EBF3: variants seen among roughly 807,000 people sequenced by gnomAD.
The protein encoded by EBF3 is transcription factor COE3.
EBF3 carries 18 observed loss-of-function variants against 77.1 expected under a neutral mutation model. The ratio of observed to expected loss-of-function variants is 0.23; its 90% CI spans 0.16 to 0.35. The LOEUF (loss-of-function observed/expected upper bound fraction) is 0.35, where lower values mean the gene tolerates loss of function less well. EBF3 is among the 10% of genes least tolerant of loss of function. The pLI is 1.00. For missense variants in EBF3, 558 were observed against 860.0 expected, an observed-to-expected ratio of 0.65 and a Z score of 4.39; for synonymous variants, 350 against 343.5, an observed-to-expected ratio of 1.02 and a Z score of -0.21.
chr10:129,922,606 C>T (rs1011102347), intron 6 of EBF3, among the ~76,000 whole-genome samples: 13 of 152,240 alleles, frequency 8.5e-5, no homozygotes, highest in African/African-American at 2.9e-4. Flanking sequence ...GCTCTCTTCC[C>T]GGCTCTCGCC....
rs542944704 is a variant in EBF3, at chr10:129,939,322, C to T, written c.554+17936G>A. Reference sequence around the variant, plus strand: ...CCACTTCTCAAGGGACTGACAAATACGAAGGACAGGGTGAAATCTGAAAAC... The same window carrying T: ...CCACTTCTCAAGGGACTGACAAATATGAAGGACAGGGTGAAATCTGAAAAC... On this transcript the variant is annotated intron_variant, in intron 6 of 16. Coordinates refer to ENST00000440978, the MANE Select transcript of EBF3 (RefSeq NM_001375380.1). Among the ~76,000 whole-genome samples, 233 of 152,260 alleles carry T rather than the reference C, an allele frequency of 1.5e-3. 1 individual carries two copies. The highest frequency in any genetic ancestry group is 5.1e-3 in the African/African-American group (210 of 41,558).
intron 14 of EBF3, 39 bp from the exon 15 acceptor site, chr10:129,840,481 G>A (rs1339536833): frequency 2.6e-6 from 4 of 1,537,334 alleles, no homozygotes; most frequent in Admixed American, 2.0e-5. Context: ...CGCGGCCGCG[G>A]CACAGCGCCA....
intron 6 of EBF3, among the ~76,000 whole-genome samples, chr10:129,928,069 C>T (rs931901231): frequency 1.3e-5 from 2 of 152,148 alleles, no homozygotes; most frequent in African/African-American, 4.8e-5. Context: ...GTTACTATTC[C>T]GAGCAATGCC....
At chr10:129,877,159 C>T (rs950071775) in intron 7 of EBF3, among the ~76,000 whole-genome samples, 1 of 152,054 alleles carries the variant, frequency 6.6e-6, no homozygotes, top group Non-Finnish European at 1.5e-5. Flanking sequence ...TTATAGTTCT[C>T]CTCCCACTGA....
intron 6 of EBF3, among the ~76,000 whole-genome samples, chr10:129,895,287 G>A (rs539232616): frequency 7.2e-5 from 11 of 152,330 alleles, no homozygotes; most frequent in Middle Eastern, 3.4e-3. Flanking sequence ...TGCCCTCTGC[G>A]AAGTGGATGG....
rs1037790032 is a variant in EBF3, at chr10:129,897,594, G to A, written c.555-19745C>T. On this transcript the variant is annotated intron_variant, in intron 6 of 16. Coordinates refer to ENST00000440978, the MANE Select transcript of EBF3 (RefSeq NM_001375380.1). This position sits in a 1 kb window ranked among gnomAD's most constrained non-coding sequence, Gnocchi z 4.6. ...CCCTTTTATCCGAGAGGCGAAGCCC[G>A]GGAAGGTTCTCGAGGGCGCCCATTG... is the stretch of plus-strand genomic sequence containing the variant. 9.2e-5 allele frequency among the ~76,000 whole-genome samples: 14 copies of A among 152,220 alleles called. 1 individual carries two copies. Among genetic ancestry groups the A allele is most frequent in the South Asian group, 6.2e-4 (3 of 4,806 alleles).
rs1858305220 is a variant in EBF3 at position 129,947,340 on chromosome 10, C to T, written c.554+9918G>A. 6.6e-6 allele frequency among the ~76,000 whole-genome samples: 1 copy of T among 152,212 alleles called. No individual in the cohort carries two copies. The highest frequency in any genetic ancestry group is 1.5e-5 in the Non-Finnish European group (1 of 68,036). On this transcript the variant is annotated intron_variant, in intron 6 of 16. Coordinates refer to ENST00000440978, the MANE Select transcript of EBF3 (RefSeq NM_001375380.1). This position sits in a 1 kb window ranked among gnomAD's most constrained non-coding sequence, Gnocchi z 4.5. ...CTCGTATTAAATACCACATATAACT[C>T]TCAGCAGGTTTTATGTTGTGTTTTA...
In EBF3 at chr10:129,963,595, G is replaced by C. The variant is rs757292504; in HGVS notation, c.134+40C>G. ...CCGGCGGAGGGGGCCGGGCCGGGCCGGGGCCGGGGCCAGGGCGCGCGGGGG... is the reference window on the plus strand; with the variant it reads ...CCGGCGGAGGGGGCCGGGCCGGGCCCGGGCCGGGGCCAGGGCGCGCGGGGG... On this transcript the variant is annotated intron_variant, in intron 1 of 16. Transcript: ENST00000440978. The surrounding 1 kb of genome is among the most constrained non-coding windows in gnomAD (Gnocchi z 7.1). 2 of 1,244,338 alleles carry C rather than the reference G, an allele frequency of 1.6e-6. No homozygotes were observed. Among genetic ancestry groups the C allele is most frequent in the Admixed American group, 4.4e-5 (1 of 22,784 alleles). 77.1% of individuals were successfully genotyped at this position (1,244,338 alleles called of 1,614,324 possible). A position where few individuals can be genotyped will look rare whatever the true frequency, so the allele number is the denominator to read the frequency against.
chr10:129,929,573 G>A (rs1856874364), intron 6 of EBF3, among the ~76,000 whole-genome samples: 1 of 152,196 alleles, frequency 6.6e-6, no homozygotes, highest in African/African-American at 2.4e-5. Context: ...ATATTAAGAT[G>A]GAAATAGAAT....
intron 6 of EBF3, among the ~76,000 whole-genome samples, chr10:129,933,997 G>C (rs1056538889): frequency 6.6e-6 from 1 of 152,196 alleles, no homozygotes; most frequent in Non-Finnish European, 1.5e-5. Context: ...CCCTGTCCAG[G>C]CTGGGCTTGC....
At chr10:129,901,719 A>T (rs1256668079) in intron 6 of EBF3, among the ~76,000 whole-genome samples, 1 of 152,252 alleles carries the variant, frequency 6.6e-6, no homozygotes, top group African/African-American at 2.4e-5. Context: ...CCTGCAAATC[A>T]CTAAAATGAT....
chr10:129,883,553 A>G (rs934233518), intron 6 of EBF3, among the ~76,000 whole-genome samples: 8 of 152,300 alleles, frequency 5.3e-5, no homozygotes, highest in South Asian at 2.1e-4. Context: ...TCAAAAACCC[A>G]AAGTGTTCGT....
rs911914654 is a variant in EBF3, at chr10:129,885,230, T to C, written c.555-7381A>G. ...AGAGATCTGATGGGATTTAATGGCT[T>C]TGCCGGCCAGTTCAATATCCCCTTC... On this transcript the variant is annotated intron_variant, in intron 6 of 16. Coordinates refer to ENST00000440978, the MANE Select transcript of EBF3 (RefSeq NM_001375380.1). This position sits in a 1 kb window ranked among gnomAD's most constrained non-coding sequence, Gnocchi z 4.0. 6.6e-5 allele frequency among the ~76,000 whole-genome samples: 10 copies of C among 152,184 alleles called. No individual in the cohort carries two copies. The highest frequency in any genetic ancestry group is 2.0e-4 in the Admixed American group (3 of 15,288).
rs1248242973 is a variant in EBF3, at chr10:129,848,990, C to A, written c.1040-510G>T. 6.6e-6 allele frequency among the ~76,000 whole-genome samples: 1 copy of A among 152,218 alleles called. No homozygotes were observed. Among genetic ancestry groups the A allele is most frequent in the Non-Finnish European group, 1.5e-5 (1 of 68,038 alleles). Reference sequence around the variant, plus strand: ...GCTTTAATAATCTGTGAATGGCTGCCTACAAACTGATGTAGGGCACTATCA... The same window carrying A: ...GCTTTAATAATCTGTGAATGGCTGCATACAAACTGATGTAGGGCACTATCA... On this transcript the variant is annotated intron_variant, in intron 10 of 16. Coordinates refer to ENST00000440978, the MANE Select transcript of EBF3 (RefSeq NM_001375380.1). The surrounding 1 kb of genome is among the most constrained non-coding windows in gnomAD (Gnocchi z 4.4).
At chr10:129,962,796 T>G in intron 3 of EBF3, 146 bp downstream of exon 3, 3 of 897,618 alleles carry the variant, frequency 3.3e-6, no homozygotes, top group Non-Finnish European at 3.4e-6. Context: ...TTATTGATCG[T>G]TTATGTTTTG....
intron 6 of EBF3, among the ~76,000 whole-genome samples, chr10:129,951,907 A>G (rs112281765): frequency 8.5e-5 from 13 of 152,294 alleles, no homozygotes; most frequent in African/African-American, 2.9e-4. Flanking sequence ...GTTTAGGGGG[A>G]AAAATTGAAA....
chr10:129,842,030 C>A lies in EBF3; in HGVS notation c.1372+86G>T. On this transcript the variant is annotated intron_variant, in intron 13 of 16. Coordinates refer to ENST00000440978, the MANE Select transcript of EBF3 (RefSeq NM_001375380.1). This position sits in a 1 kb window ranked among gnomAD's most constrained non-coding sequence, Gnocchi z 4.4. The stretch of plus-strand genomic sequence containing the variant: ...AACGCTACGGACATTCCCCAGCTGG[C>A]CCTGGACACGTGCCTCTTCAGCTAA... 6.4e-7 allele frequency: 1 copy of A among 1,554,184 alleles called. No individual in the cohort carries two copies. The highest frequency in any genetic ancestry group is 1.2e-5 in the South Asian group (1 of 86,020).
intron 5 of EBF3, 21 bp downstream of exon 5, chr10:129,958,913 C>A (rs1030046317): frequency 1.3e-6 from 2 of 1,582,548 alleles, no homozygotes; most frequent in Non-Finnish European, 8.6e-7. Flanking sequence ...GCGCCCCCGC[C>A]GCCCGCCGCC....
chr10:129,948,270 A>C (rs1202174399), intron 6 of EBF3, among the ~76,000 whole-genome samples: 1 of 143,686 alleles, frequency 7.0e-6, no homozygotes, highest in South Asian at 2.2e-4. Context: ...AAAAAAAAAA[A>C]AAAAAAAAAA....
Sources: gnomAD v4.1 joint callset for allele counts (sites outside exome capture counted in the v4.1 genomes callset) on GRCh38, gnomAD v4.1.1 for gene constraint, Gnocchi (gnomAD v3.1) non-coding constraint, MANE v1.5 for transcripts, NCBI Gene and HGNC (gene_info 2026-07-23, HGNC 2026-07-21) for gene names.